The following ZFAND6 variants were observed in gnomAD, a reference collection of about 807,000 sequenced individuals.
ZFAND6 encodes AN1-type zinc finger protein 6.
ZFAND6 carries 12 observed loss-of-function variants against 24.5 expected under a neutral mutation model. The ratio of observed to expected loss-of-function variants is 0.49; its 90% CI spans 0.31 to 0.79. ZFAND6 has a LOEUF of 0.79. Among genes scored for constraint, ZFAND6 ranks in the 30% least tolerant of loss-of-function variants. The probability of loss-of-function intolerance (pLI) is 0.04; values close to 1 mark genes in which losing one functional copy is unlikely to be tolerated. For synonymous variants in ZFAND6, 92 were observed against 81.5 expected, an observed-to-expected ratio of 1.13 and a Z score of -0.69; for missense variants, 207 against 245.9, an observed-to-expected ratio of 0.84 and a Z score of 1.06.
chr15:80,118,367 C>T (rs1222547509), intron 2 of ZFAND6, among the ~76,000 whole-genome samples: 4 of 152,024 alleles, frequency 2.6e-5, no homozygotes, highest in East Asian at 3.8e-4. Context: ...CGTGAGCCAC[C>T]GTGCCCGGCC....
intron 5 of ZFAND6, among the ~76,000 whole-genome samples, chr15:80,127,061 A>C (rs2040397763): frequency 6.6e-6 from 1 of 151,954 alleles, no homozygotes; most frequent in Admixed American, 6.6e-5. Flanking sequence ...TGAGCCATTA[A>C]CGCACCACTG....
chr15:80,133,915 G>A (rs1042784915), intron 6 of ZFAND6, among the ~76,000 whole-genome samples: 7 of 151,852 alleles, frequency 4.6e-5, no homozygotes, highest in Admixed American at 2.6e-4. Flanking sequence ...TTTCGTGATC[G>A]GTTACATTAA....
intron 2 of ZFAND6, 94 bp from the exon 3 acceptor site, chr15:80,120,233 TG>T: frequency 1.9e-6 from 2 of 1,025,848 alleles, no homozygotes; most frequent in Non-Finnish European, 2.7e-6. Context: ...TTGATATATG[TG>T]GGCTTTTTTC....
chr15:80,117,398 A>G (rs536529265), intron 2 of ZFAND6, among the ~76,000 whole-genome samples: 51 of 152,040 alleles, frequency 3.4e-4, no homozygotes, highest in African/African-American at 1.2e-3. Flanking sequence ...GATTTTTTGT[A>G]TTTTTAGTAG....
At chr15:80,096,878 C>T (rs1259313843) in intron 1 of ZFAND6, among the ~76,000 whole-genome samples, 3 of 151,816 alleles carry the variant, frequency 2.0e-5, no homozygotes, top group African/African-American at 7.3e-5. Flanking sequence ...AGTTTACTTA[C>T]AGTTGTATTA....
chr15:80,086,898 A>AGT (rs760540767), intron 1 of ZFAND6, among the ~76,000 whole-genome samples: 2 of 152,222 alleles, frequency 1.3e-5, no homozygotes, highest in Non-Finnish European at 2.9e-5. Context: ...ATTTCACGTA[A>AGT]GTGGAATCAT....
chr15:80,061,745 CTG>C lies in ZFAND6; in HGVS notation c.-181+1939_-181+1940del, dbSNP rs1294176507. Among the ~76,000 whole-genome samples, 11 of 152,154 alleles carry C rather than the reference CTG, an allele frequency of 7.2e-5. No homozygotes were observed. In the East Asian group the frequency reaches 7.7e-4, roughly 11 times the overall value. On this transcript the variant is annotated intron_variant, in intron 1 of 6. Coordinates refer to ENST00000261749, the MANE Select transcript of ZFAND6 (RefSeq NM_019006.4). ...TTGTTTTGTTATAAGCAGTCTTGCT[CTG>C]TGAACATTTCTTGTTTCCGGCTCTT...
intron 1 of ZFAND6, chr15:80,073,359 ATCTGAT>A (rs1250954753): frequency 6.3e-6 from 2 of 316,040 alleles, no homozygotes; most frequent in African/African-American, 4.5e-5. Flanking sequence ...TTTTTAAAGT[ATCTGAT>A]TCTATTTACA....
chr15:80,123,862 G>C (rs945693621), intron 5 of ZFAND6, among the ~76,000 whole-genome samples: 1 of 152,154 alleles, frequency 6.6e-6, no homozygotes, highest in Non-Finnish European at 1.5e-5. Flanking sequence ...GGGCACCAGA[G>C]CAATTCCCCC....
At chr15:80,134,181 G>A (rs1370487482) in intron 6 of ZFAND6, among the ~76,000 whole-genome samples, 3 of 152,074 alleles carry the variant, frequency 2.0e-5, no homozygotes, top group African/African-American at 4.8e-5. Context: ...GTAGAGACGG[G>A]GTTTCGCCCT....
chr15:80,101,870 G>A (rs1479095280), intron 2 of ZFAND6, among the ~76,000 whole-genome samples: 2 of 143,158 alleles, frequency 1.4e-5, no homozygotes, highest in South Asian at 4.4e-4. Flanking sequence ...TCGGCTCACT[G>A]CAAGCTCTGC....
chr15:80,079,283 C>T (rs1044590861), intron 1 of ZFAND6, among the ~76,000 whole-genome samples: 4 of 151,834 alleles, frequency 2.6e-5, no homozygotes, highest in Non-Finnish European at 5.9e-5. Flanking sequence ...TGCAGTGGCG[C>T]GATCTCGGCT....
chr15:80,127,608 A>C (rs202134355), intron 5 of ZFAND6, among the ~76,000 whole-genome samples: 7 of 151,120 alleles, frequency 4.6e-5, no homozygotes, highest in African/African-American at 9.8e-5. Context: ...AAAAAAAAAA[A>C]AAAAAAACCA....
chr15:80,124,472 T>G (rs2040288196), intron 5 of ZFAND6, among the ~76,000 whole-genome samples: 1 of 151,702 alleles, frequency 6.6e-6, no homozygotes, highest in Non-Finnish European at 1.5e-5. Flanking sequence ...GTGAAAAAAA[T>G]GTATAAAGCT....
intron 2 of ZFAND6, among the ~76,000 whole-genome samples, chr15:80,110,437 GA>G (rs1261589867): frequency 2.0e-5 from 3 of 152,016 alleles, no homozygotes; most frequent in Non-Finnish European, 4.4e-5. Flanking sequence ...TAAACTGAGA[GA>G]TATACAGTAG....
intron 5 of ZFAND6, among the ~76,000 whole-genome samples, chr15:80,124,961 T>C (rs1567095410): frequency 6.6e-6 from 1 of 152,170 alleles, no homozygotes; most frequent in Non-Finnish European, 1.5e-5. Context: ...TATAAACATG[T>C]ATGTTTGTAT....
intron 1 of ZFAND6, among the ~76,000 whole-genome samples, chr15:80,092,116 C>G (rs1438606169): frequency 6.6e-6 from 1 of 151,888 alleles, no homozygotes; most frequent in Non-Finnish European, 1.5e-5. Flanking sequence ...TAGTATTTAT[C>G]TGCAAAACAA....
At chr15:80,063,742 G>C (rs1382743198) in intron 1 of ZFAND6, among the ~76,000 whole-genome samples, 1 of 152,064 alleles carries the variant, frequency 6.6e-6, no homozygotes, top group Non-Finnish European at 1.5e-5. Context: ...GTAGAGAGGG[G>C]GTTTCAGCAT....
At chr15:80,101,791 G>GTTTTTTTTT (rs750632508) in intron 2 of ZFAND6, among the ~76,000 whole-genome samples, 1 of 123,106 alleles carries the variant, frequency 8.1e-6, no homozygotes, top group African/African-American at 3.1e-5. Flanking sequence ...TATGTAAAGT[G>GTTTTTTTTT]TTTTTTTTTT....
Sources: gnomAD v4.1 joint callset for allele counts (sites outside exome capture counted in the v4.1 genomes callset) on GRCh38, gnomAD v4.1.1 for gene constraint, MANE v1.5 for transcripts, NCBI Gene and HGNC (gene_info 2026-07-23, HGNC 2026-07-21) for gene names.